Variants in SYNPO2 observed in about 807,000 individuals in gnomAD.
SYNPO2 encodes synaptopodin-2.
SYNPO2 carries 56 observed loss-of-function variants against 85.0 expected under a neutral mutation model. The observed-to-expected ratio is 0.66, with a 90% CI of 0.53 to 0.82. The LOEUF is 0.82. Ranked by LOEUF, SYNPO2 falls within the 40% of genes least tolerant of loss-of-function variation. SYNPO2 has a pLI of 0.00. For missense variants in SYNPO2, 1,575 were observed against 1,534.2 expected (o/e 1.03, Z -0.44); for synonymous variants, 602 against 591.1 (o/e 1.02, Z -0.27).
At chr4:118,954,116 T>G (rs1441186733) in intron 1 of SYNPO2, among the ~76,000 whole-genome samples, 1 of 152,208 alleles carries the variant, frequency 6.6e-6, no homozygotes, top group Admixed American at 6.5e-5. Context: ...ACATACAGGT[T>G]TCATGATACA....
intron 1 of SYNPO2, among the ~76,000 whole-genome samples, chr4:118,933,411 A>G (rs992137095): frequency 6.6e-6 from 1 of 152,200 alleles, no homozygotes; most frequent in African/African-American, 2.4e-5. Context: ...TGCCCTGAGG[A>G]CTGAGGGAAA....
chr4:118,892,578 G>A (rs927155656), intron 1 of SYNPO2, among the ~76,000 whole-genome samples: 1 of 151,954 alleles, frequency 6.6e-6, no homozygotes, highest in Non-Finnish European at 1.5e-5. Flanking sequence ...AAATCACTTT[G>A]AAAAATCCTC....
At chr4:118,893,643 G>T (rs1388766147) in intron 1 of SYNPO2, among the ~76,000 whole-genome samples, 1 of 152,138 alleles carries the variant, frequency 6.6e-6, no homozygotes, top group Non-Finnish European at 1.5e-5. Context: ...ACCATAGTTT[G>T]TACCCAACCT....
At chr4:118,980,241 T>C (rs1430969914) in intron 1 of SYNPO2, among the ~76,000 whole-genome samples, 11 of 152,212 alleles carry the variant, frequency 7.2e-5, no homozygotes, top group Non-Finnish European at 1.2e-4. Context: ...TATTTTTCTT[T>C]TGGGGGCCCA....
intron 1 of SYNPO2, among the ~76,000 whole-genome samples, chr4:118,883,591 A>C (rs1724087650): frequency 6.6e-6 from 1 of 152,262 alleles, no homozygotes; most frequent in South Asian, 2.1e-4. Context: ...TATAAAATAA[A>C]GTATCTGATA....
At chr4:118,865,788 G>C (rs780939436) in intron 1 of SYNPO2, among the ~76,000 whole-genome samples, 1 of 152,142 alleles carries the variant, frequency 6.6e-6, no homozygotes, top group Admixed American at 6.5e-5. Flanking sequence ...AACTGATAAG[G>C]CATTTCCTTA....
At chr4:119,036,900 G>T in intron 4 of SYNPO2, 14 of 1,183,126 alleles carry the variant, frequency 1.2e-5, no homozygotes, top group Non-Finnish European at 1.5e-5. Flanking sequence ...TTTTATCAAA[G>T]GTTTGCCAGC....
At chr4:118,879,335 A>G (rs537610254) in intron 1 of SYNPO2, among the ~76,000 whole-genome samples, 1 of 152,184 alleles carries the variant, frequency 6.6e-6, no homozygotes, top group African/African-American at 2.4e-5. Flanking sequence ...GCTCTGGGGA[A>G]CTGAACGTTT....
At chr4:118,882,132 A>G (rs1489743268) in intron 1 of SYNPO2, among the ~76,000 whole-genome samples, 2 of 152,226 alleles carry the variant, frequency 1.3e-5, no homozygotes, top group African/African-American at 2.4e-5. Flanking sequence ...TCCCATATAC[A>G]TAATTTTACC....
At chr4:119,003,307 C>T (rs1173027031) in intron 1 of SYNPO2, among the ~76,000 whole-genome samples, 1 of 152,094 alleles carries the variant, frequency 6.6e-6, no homozygotes, top group Non-Finnish European at 1.5e-5. Flanking sequence ...ATAAAACCAT[C>T]AGATCTCATG....
At chr4:119,028,608 G>T (rs1368248260) in intron 3 of SYNPO2, among the ~76,000 whole-genome samples, 1 of 152,030 alleles carries the variant, frequency 6.6e-6, no homozygotes, top group Non-Finnish European at 1.5e-5. Context: ...ATTCTATTTA[G>T]TAATAACCAC....
intron 1 of SYNPO2, among the ~76,000 whole-genome samples, chr4:118,906,233 C>A (rs955514630): frequency 1.3e-5 from 2 of 151,924 alleles, no homozygotes; most frequent in African/African-American, 4.8e-5. Flanking sequence ...AAATAAGCAA[C>A]TTATATAAAG....
At position 119,030,168 on chromosome 4, in the gene SYNPO2, G is replaced by A; in HGVS notation, c.1393G>A (p.Asp465Asn). The change falls in exon 4 of 5, where the codon GAT becomes AAT. Residue 465 changes from aspartate (D) to asparagine (N), a missense_variant. Coordinates refer to ENST00000307142, the MANE Select transcript of SYNPO2 (RefSeq NM_133477.3). ...CACACAAGTTGTGAACTTTGACTGG[G>A]ATTCTGGACTGGTGGACATTGAAAA... Reference protein sequence around the residue: ...DNTQVVNFDWDSGLVDIEKKL... With the variant: ...DNTQVVNFDWNSGLVDIEKKL... 1 of 1,614,150 alleles carries A rather than the reference G, an allele frequency of 6.2e-7. No homozygotes were observed. Among genetic ancestry groups the A allele is most frequent in the Non-Finnish European group, 8.5e-7 (1 of 1,180,022 alleles).
At chr4:118,982,795 G>T (rs977031554) in intron 1 of SYNPO2, among the ~76,000 whole-genome samples, 2 of 152,086 alleles carry the variant, frequency 1.3e-5, no homozygotes, top group Admixed American at 1.3e-4. Flanking sequence ...TCTTTCCTTT[G>T]CTTCTTTTTA....
intron 1 of SYNPO2, among the ~76,000 whole-genome samples, chr4:118,857,282 T>A (rs1731522925): frequency 6.6e-6 from 1 of 152,118 alleles, no homozygotes; most frequent in Admixed American, 6.5e-5. Context: ...GTGGGGAAAT[T>A]CTTCATTTTG....
chr4:119,009,759 C>T (rs1043697540), intron 1 of SYNPO2, among the ~76,000 whole-genome samples: 5 of 152,144 alleles, frequency 3.3e-5, no homozygotes, highest in East Asian at 3.8e-4. Context: ...GCCTGATATT[C>T]GCCAGAAGTT....
In SYNPO2 at chr4:119,039,999, T is replaced by C. The variant is rs1578671181; in HGVS notation, c.3252+7972T>C. Among the ~76,000 whole-genome samples the C allele has an allele frequency of 2.0e-5, 3 of 152,264 alleles. No individual in the cohort carries two copies. The South Asian group carries it at 6.2e-4, about 32-fold the overall frequency. On this transcript the variant is annotated intron_variant, in intron 4 of 4. Coordinates refer to ENST00000307142, the MANE Select transcript of SYNPO2 (RefSeq NM_133477.3). ...CCTGCCTCCTGCTGGTTGGGAGACT[T>C]TAAACAAAGGATTCAGTCGCCCTGT...
chr4:119,036,460 A>C (rs1203703387), intron 4 of SYNPO2: 1 of 985,330 alleles, frequency 1.0e-6, no homozygotes, highest in Non-Finnish European at 1.2e-6. Context: ...GTCAACAATT[A>C]TTCTGGGAAA....
intron 4 of SYNPO2, chr4:119,038,000 T>C (rs1738584456): frequency 3.3e-6 from 1 of 299,812 alleles, no homozygotes; most frequent in Non-Finnish European, 4.9e-6. Flanking sequence ...ATTATTCCCA[T>C]TTTACAGATG....
Sources: allele counts gnomAD v4.1 joint callset (sites outside exome capture counted in the v4.1 genomes callset), GRCh38; gene constraint gnomAD v4.1.1; transcripts MANE v1.5; gene names NCBI Gene and HGNC (gene_info 2026-07-23, HGNC 2026-07-21).